The following SLC10A7 variants were observed in gnomAD, a reference collection of about 807,000 sequenced individuals.
SLC10A7 encodes sodium/bile acid cotransporter 7.
SLC10A7 carries 29 observed loss-of-function variants against 43.2 expected under a neutral mutation model. The ratio of observed to expected loss-of-function variants is 0.67; its 90% CI spans 0.50 to 0.92. The LOEUF is 0.92. SLC10A7 is among the 40% of genes least tolerant of loss of function. SLC10A7 has a pLI of 0.00. For synonymous variants in SLC10A7, 152 were observed against 144.8 expected (o/e 1.05, Z -0.35); for missense variants, 295 against 403.2 (o/e 0.73, Z 2.30).
chr4:146,324,654 G>C (rs1248317090), intron 6 of SLC10A7, among the ~76,000 whole-genome samples: 1 of 152,042 alleles, frequency 6.6e-6, no homozygotes, highest in African/African-American at 2.4e-5. Flanking sequence ...GCCCACCAAG[G>C]GTTGCATCTG....
chr4:146,512,119 G>A (rs543224576), intron 2 of SLC10A7, among the ~76,000 whole-genome samples: 56 of 151,334 alleles, frequency 3.7e-4, no homozygotes, highest in African/African-American at 8.0e-4. Context: ...GATTACAGGC[G>A]CCCACCACCA....
chr4:146,349,875 C>T (rs76206578), intron 5 of SLC10A7, among the ~76,000 whole-genome samples: 1,664 of 152,232 alleles, frequency 0.011, 26 homozygotes, highest in African/African-American at 0.037. Context: ...TGAAAACCTA[C>T]TGGGTACTAT....
At chr4:146,295,316 A>G (rs1239612419) in intron 7 of SLC10A7, among the ~76,000 whole-genome samples, 1 of 152,158 alleles carries the variant, frequency 6.6e-6, no homozygotes, top group Non-Finnish European at 1.5e-5. Flanking sequence ...GTGGGGTGGG[A>G]ATAAATGGAA....
chr4:146,371,861 G>C (rs538395123), intron 5 of SLC10A7, among the ~76,000 whole-genome samples: 1 of 152,214 alleles, frequency 6.6e-6, no homozygotes, highest in African/African-American at 2.4e-5. Flanking sequence ...ATTATTATTA[G>C]AGAAGTCCAG....
intron 2 of SLC10A7, among the ~76,000 whole-genome samples, chr4:146,515,431 T>C (rs938929029): frequency 6.6e-6 from 1 of 152,196 alleles, no homozygotes; most frequent in African/African-American, 2.4e-5. Context: ...AAAGCCTGTG[T>C]AAGTAGTAAT....
intron 5 of SLC10A7, among the ~76,000 whole-genome samples, chr4:146,369,101 A>G (rs1358613510): frequency 6.6e-6 from 1 of 152,168 alleles, no homozygotes; most frequent in Non-Finnish European, 1.5e-5. Flanking sequence ...TGAGAAAGCA[A>G]GCCACTGAGG....
At chr4:146,440,585 A>T (rs1030236482) in intron 5 of SLC10A7, among the ~76,000 whole-genome samples, 3 of 151,942 alleles carry the variant, frequency 2.0e-5, no homozygotes, top group Admixed American at 6.6e-5. Flanking sequence ...ATCACTATCA[A>T]TTTTTTTCTC....
rs74732582 is a variant in SLC10A7, at chr4:146,275,595, G to A, written c.847+7597C>T. Among the ~76,000 whole-genome samples, 769 of 151,982 alleles carry A rather than the reference G, an allele frequency of 5.1e-3. 4 individuals carry two copies. The highest frequency in any genetic ancestry group is 0.018 in the African/African-American group (728 of 41,446). On this transcript the variant is annotated intron_variant, in intron 10 of 11. Transcript: ENST00000335472. ...GCTGGTGCCCACAAAGTATTTATGGGAAGTGACCTACACCAAGCTGGTCAT... is the reference window on the plus strand; with the variant it reads ...GCTGGTGCCCACAAAGTATTTATGGAAAGTGACCTACACCAAGCTGGTCAT...
rs114884405 is a variant in SLC10A7 at position 146,474,455 on chromosome 4, T to C, written c.396+29394A>G. 2.2e-3 allele frequency among the ~76,000 whole-genome samples: 330 copies of C among 152,256 alleles called. 4 individuals are homozygous for C. Among genetic ancestry groups the C allele is most frequent in the African/African-American group, 7.7e-3 (319 of 41,560 alleles). On this transcript the variant is annotated intron_variant, in intron 4 of 11. Transcript: ENST00000335472. ...CAACAGCAGCCATGTGGTGACAGGATAAATAGTGGCCAGACTTTACCACTT... is the reference window on the plus strand; with the variant it reads ...CAACAGCAGCCATGTGGTGACAGGACAAATAGTGGCCAGACTTTACCACTT...
intron 4 of SLC10A7, among the ~76,000 whole-genome samples, chr4:146,494,740 G>T (rs1188202340): frequency 6.6e-6 from 1 of 152,080 alleles, no homozygotes; most frequent in African/African-American, 2.4e-5. Context: ...GAGATGAGTG[G>T]TATCAGTCAT....
intron 4 of SLC10A7, among the ~76,000 whole-genome samples, chr4:146,488,857 A>G (rs569265771): frequency 6.6e-6 from 1 of 152,340 alleles, no homozygotes; most frequent in South Asian, 2.1e-4. Context: ...AATATGAATT[A>G]CTGCCTTAAT....
At chr4:146,294,123 T>C in intron 7 of SLC10A7, 28 bp from the exon 8 acceptor site, 1 of 1,522,494 alleles carries the variant, frequency 6.6e-7, no homozygotes, top group African/African-American at 1.4e-5. Context: ...ACAGGTTGCC[T>C]CTTTTCAGAG....
intron 5 of SLC10A7, among the ~76,000 whole-genome samples, chr4:146,431,170 T>C (rs1729747033): frequency 1.3e-5 from 2 of 152,168 alleles, no homozygotes; most frequent in Admixed American, 1.3e-4. Flanking sequence ...ATGTGTGATA[T>C]CCTAAGATAG....
At chr4:146,434,793 A>C (rs1579178885) in intron 5 of SLC10A7, among the ~76,000 whole-genome samples, 1 of 151,934 alleles carries the variant, frequency 6.6e-6, no homozygotes, top group South Asian at 2.1e-4. Flanking sequence ...CGAACTCCTG[A>C]CCTCGTGATC....
chr4:146,473,753 T>TA (rs1272981631), intron 4 of SLC10A7, among the ~76,000 whole-genome samples: 2 of 152,166 alleles, frequency 1.3e-5, no homozygotes, highest in African/African-American at 4.8e-5. Context: ...ACATTTTTTT[T>TA]ACTGGTATTT....
At chr4:146,427,587 G>A (rs1286933422) in intron 5 of SLC10A7, among the ~76,000 whole-genome samples, 1 of 152,120 alleles carries the variant, frequency 6.6e-6, no homozygotes, top group East Asian at 1.9e-4. Context: ...AAGGGCAAAA[G>A]GTAGAAGCCT....
intron 5 of SLC10A7, among the ~76,000 whole-genome samples, chr4:146,387,928 C>T (rs1235605954): frequency 6.6e-6 from 1 of 152,136 alleles, no homozygotes; most frequent in Non-Finnish European, 1.5e-5. Context: ...CCAGAGATGA[C>T]ACCAACAAAT....
chr4:146,374,221 C>T (rs1736997102), intron 5 of SLC10A7, among the ~76,000 whole-genome samples: 3 of 152,258 alleles, frequency 2.0e-5, no homozygotes, highest in Middle Eastern at 6.8e-3. Flanking sequence ...TGAGATGACA[C>T]ATATAAGGGA....
At chr4:146,354,522 G>T (rs1470020988) in intron 5 of SLC10A7, among the ~76,000 whole-genome samples, 7 of 148,846 alleles carry the variant, frequency 4.7e-5, no homozygotes, top group Middle Eastern at 3.4e-3. Flanking sequence ...TTTCTTCACA[G>T]AATTGGAAAA....
Sources: gnomAD v4.1 joint callset for allele counts (sites outside exome capture counted in the v4.1 genomes callset) on GRCh38, gnomAD v4.1.1 for gene constraint, MANE v1.5 for transcripts, NCBI Gene and HGNC (gene_info 2026-07-23, HGNC 2026-07-21) for gene names.